Variants in SERPINI1 observed in about 807,000 individuals in gnomAD.
The protein encoded by SERPINI1 is neuroserpin.
SERPINI1 carries 19 observed loss-of-function variants against 41.1 expected under a neutral mutation model. That is an observed-to-expected ratio of 0.46 (90% CI 0.32 to 0.68). The LOEUF (loss-of-function observed/expected upper bound fraction) is 0.68. SERPINI1 is among the 30% of genes least tolerant of loss of function. SERPINI1 has a pLI of 0.03. For missense variants in SERPINI1, 460 were observed against 479.2 expected, an observed-to-expected ratio of 0.96 and a Z score of 0.37; for synonymous variants, 138 against 156.6, an observed-to-expected ratio of 0.88 and a Z score of 0.89.
At chr3:167,779,239 TAAG>T (rs972832655) in intron 1 of SERPINI1, among the ~76,000 whole-genome samples, 1 of 152,194 alleles carries the variant, frequency 6.6e-6, no homozygotes, top group Non-Finnish European at 1.5e-5. Flanking sequence ...TAATTATTTT[TAAG>T]AAGGTTATAA....
chr3:167,738,752 T>C (rs1466969327), intron 1 of SERPINI1, among the ~76,000 whole-genome samples: 1 of 151,376 alleles, frequency 6.6e-6, no homozygotes, highest in Admixed American at 6.6e-5. Context: ...CCTTCCTTTT[T>C]TATGCTTTTA....
chr3:167,807,394 AATG>A (rs1283304803), intron 6 of SERPINI1, 53 bp downstream of exon 6: 25 of 1,145,718 alleles, frequency 2.2e-5, no homozygotes, highest in Admixed American at 1.2e-4. Flanking sequence ...AGCTTTATTA[AATG>A]ATGATATTAA....
chr3:167,744,501 A>C (rs1240340105), intron 1 of SERPINI1, among the ~76,000 whole-genome samples: 1 of 150,386 alleles, frequency 6.6e-6, no homozygotes, highest in Non-Finnish European at 1.5e-5. Flanking sequence ...TGCACAGAAT[A>C]TTGTACTAGG....
intron 5 of SERPINI1, among the ~76,000 whole-genome samples, chr3:167,803,216 T>G (rs1195371924): frequency 6.6e-6 from 1 of 151,836 alleles, no homozygotes; most frequent in African/African-American, 2.4e-5. Context: ...GCATGGCACA[T>G]GTATACATAT....
intron 1 of SERPINI1, among the ~76,000 whole-genome samples, chr3:167,775,423 C>A (rs1351297433): frequency 6.6e-6 from 1 of 151,646 alleles, no homozygotes; most frequent in East Asian, 1.9e-4. Context: ...CCACGCCCGG[C>A]TAATTTTTGT....
intron 1 of SERPINI1, among the ~76,000 whole-genome samples, chr3:167,744,860 T>TA (rs1322670799): frequency 1.7e-4 from 23 of 132,024 alleles, no homozygotes; most frequent in African/African-American, 6.0e-4. Flanking sequence ...TAGTTATATA[T>TA]ATATATAAAT....
chr3:167,754,875 G>A (rs1360393382), intron 1 of SERPINI1, among the ~76,000 whole-genome samples: 2 of 152,178 alleles, frequency 1.3e-5, no homozygotes, highest in African/African-American at 4.8e-5. Flanking sequence ...CCCTGAGTAG[G>A]TGCTTGCTTC....
intron 6 of SERPINI1, among the ~76,000 whole-genome samples, chr3:167,810,289 A>G (rs1428171870): frequency 6.6e-6 from 1 of 152,076 alleles, no homozygotes; most frequent in Non-Finnish European, 1.5e-5. Flanking sequence ...CCCCATAAAT[A>G]CCCAGGAAAA....
At chr3:167,739,105 TTG>T (rs1430911142) in intron 1 of SERPINI1, among the ~76,000 whole-genome samples, 1 of 150,584 alleles carries the variant, frequency 6.6e-6, no homozygotes, top group Non-Finnish European at 1.5e-5. Flanking sequence ...GATTTTTTTG[TTG>T]TTTCTTTTTT....
At chr3:167,785,870 T>C (rs548362703) in intron 1 of SERPINI1, among the ~76,000 whole-genome samples, 1 of 152,370 alleles carries the variant, frequency 6.6e-6, no homozygotes, top group African/African-American at 2.4e-5. Context: ...GACTGACAGA[T>C]ACAAGTATCA....
intron 1 of SERPINI1, among the ~76,000 whole-genome samples, chr3:167,747,468 C>T (rs1725893922): frequency 6.6e-6 from 1 of 152,144 alleles, no homozygotes; most frequent in African/African-American, 2.4e-5. Context: ...CACGGTGAAA[C>T]TCTGTTTCTA....
At chr3:167,790,346 T>C (rs1038250069) in intron 2 of SERPINI1, 26 bp from the exon 3 acceptor site, 10 of 1,503,034 alleles carry the variant, frequency 6.7e-6, no homozygotes, top group Admixed American at 1.7e-5. Context: ...GTTCTACAAA[T>C]AAACTTATCC....
chr3:167,753,662 A>G (rs1726112643), intron 1 of SERPINI1, among the ~76,000 whole-genome samples: 1 of 152,180 alleles, frequency 6.6e-6, no homozygotes, highest in African/African-American at 2.4e-5. Context: ...TGCCTACTAC[A>G]GACTGGCTAT....
intron 5 of SERPINI1, among the ~76,000 whole-genome samples, chr3:167,803,330 T>A (rs1234325815): frequency 6.6e-6 from 1 of 150,396 alleles, no homozygotes; most frequent in African/African-American, 2.4e-5. Context: ...TAGATTTGGC[T>A]GATTTACAGT....
At chr3:167,795,850 A>G (rs1175545116) in intron 5 of SERPINI1, among the ~76,000 whole-genome samples, 1 of 152,194 alleles carries the variant, frequency 6.6e-6, no homozygotes, top group Non-Finnish European at 1.5e-5. Flanking sequence ...CTAGTAGGAA[A>G]ACTAGGCCAG....
At chr3:167,783,698 C>T (rs969778215) in intron 1 of SERPINI1, among the ~76,000 whole-genome samples, 7 of 152,068 alleles carry the variant, frequency 4.6e-5, no homozygotes, top group African/African-American at 1.7e-4. Context: ...TAAAAATAAC[C>T]ACCCAACATT....
chr3:167,757,510 T>TCACACACA (rs143893182), intron 1 of SERPINI1, among the ~76,000 whole-genome samples: 10 of 149,446 alleles, frequency 6.7e-5, no homozygotes, highest in African/African-American at 2.2e-4. Flanking sequence ...TCTCTCTCTC[T>TCACACACA]CACACACACA....
At chr3:167,776,058 G>A (rs1216321426) in intron 1 of SERPINI1, among the ~76,000 whole-genome samples, 1 of 152,172 alleles carries the variant, frequency 6.6e-6, no homozygotes, top group Non-Finnish European at 1.5e-5. Context: ...TTGTAAACAG[G>A]CAAGCCCACT....
At chr3:167,739,798 T>C (rs889647864) in intron 1 of SERPINI1, among the ~76,000 whole-genome samples, 12 of 152,192 alleles carry the variant, frequency 7.9e-5, no homozygotes, top group Non-Finnish European at 1.8e-4. Context: ...GTTTTTTGCA[T>C]TTGACCTAGA....
Sources: gnomAD v4.1 joint callset for allele counts (sites outside exome capture counted in the v4.1 genomes callset) on GRCh38, gnomAD v4.1.1 for gene constraint, MANE v1.5 for transcripts, NCBI Gene and HGNC (gene_info 2026-07-23, HGNC 2026-07-21) for gene names.